The following PLA2G6 variants were observed in gnomAD, a reference collection of about 807,000 sequenced individuals.
PLA2G6 encodes 85/88 kDa calcium-independent phospholipase A2.
A neutral mutation model predicts 83.8 loss-of-function variants in PLA2G6; 62 were observed. The ratio of observed to expected loss-of-function variants is 0.74; its 90% CI spans 0.60 to 0.91. The LOEUF is 0.91. Among genes scored for constraint, PLA2G6 ranks in the 40% least tolerant of loss-of-function variants. The probability of loss-of-function intolerance (pLI) is 0.00; values close to 1 mark genes in which losing one functional copy is unlikely to be tolerated. For missense variants in PLA2G6, 944 were observed against 1,102.0 expected, an observed-to-expected ratio of 0.86 and a Z score of 2.03; for synonymous variants, 417 against 449.8, an observed-to-expected ratio of 0.93 and a Z score of 0.92.
Position 38,111,990 on chromosome 22 carries a change from G to T in PLA2G6, c.*171C>A, listed in dbSNP as rs1185884727. The T allele has an allele frequency of 2.8e-6, 2 of 719,400 alleles. No homozygotes were observed. Among genetic ancestry groups the T allele is most frequent in the African/African-American group, 1.8e-5 (1 of 57,000 alleles). The allele number at this position is 719,400 out of a possible 1,614,324, so 44.6% of individuals were successfully genotyped here. ...GTGCTGGAAGGCGGGGTTAGTGGGA[G>T]ACAGGCCTTCAGGACCAGCCTCGGG... On this transcript the variant is annotated 3_prime_UTR_variant, in exon 17 of 17. Coordinates refer to ENST00000332509, the MANE Select transcript of PLA2G6 (RefSeq NM_003560.4).
chr22:38,158,133 G>A (rs1312042043), intron 2 of PLA2G6, among the ~76,000 whole-genome samples: 2 of 151,404 alleles, frequency 1.3e-5, no homozygotes, highest in African/African-American at 4.9e-5. Flanking sequence ...CGTAGTATTT[G>A]CATCATCATT....
chr22:38,111,980 G>T lies in PLA2G6; in HGVS notation c.*181C>A. 1.5e-6 allele frequency: 1 copy of T among 672,556 alleles called. No homozygotes were observed. Among genetic ancestry groups the T allele is most frequent in the South Asian group, 1.7e-5 (1 of 57,462 alleles). The allele number at this position is 672,556 out of a possible 1,614,324, so 41.7% of individuals were successfully genotyped here. A position where few individuals can be genotyped will look rare whatever the true frequency, so the allele number is the denominator to read the frequency against. On this transcript the variant is annotated 3_prime_UTR_variant, in exon 17 of 17. Transcript: ENST00000332509. ...ATGACAGAAAGTGCTGGAAGGCGGG[G>T]TTAGTGGGAGACAGGCCTTCAGGAC... is the stretch of plus-strand genomic sequence containing the variant.
intron 5 of PLA2G6, chr22:38,137,092 G>A (rs2088600262): frequency 6.6e-6 from 1 of 152,248 alleles, no homozygotes; most frequent in Non-Finnish European, 1.5e-5. Context: ...TAGTGAAATA[G>A]CCCACATGAA....
At chr22:38,129,214 G>A (rs778201921) in intron 8 of PLA2G6, among the ~76,000 whole-genome samples, 7 of 152,240 alleles carry the variant, frequency 4.6e-5, no homozygotes, top group Non-Finnish European at 1.0e-4. Flanking sequence ...GAGGTGGGGG[G>A]CGCTGCACGG....
chr22:38,166,671 G>A (rs958625733), intron 2 of PLA2G6, among the ~76,000 whole-genome samples: 6 of 152,156 alleles, frequency 3.9e-5, no homozygotes, highest in Middle Eastern at 3.2e-3. Context: ...AGAGGTTGCT[G>A]TAAGCCAAGA....
chr22:38,143,300 G>T lies in PLA2G6; in HGVS notation c.426-12C>A. 1 of 1,609,132 alleles carries T rather than the reference G, an allele frequency of 6.2e-7. No individual in the cohort carries two copies. Among genetic ancestry groups the T allele is most frequent in the South Asian group, 1.1e-5 (1 of 91,078 alleles). ...CGCAATTGGCACAGCTGCAGGAGAG[G>T]GCCAGGGTGAGCAGAGGTGAGCAGG... On this transcript the variant is annotated splice_polypyrimidine_tract_variant and intron_variant, in intron 3 of 16. Transcript: ENST00000332509.
intron 3 of PLA2G6, chr22:38,144,632 C>CAAAAAAAA (rs5845371): frequency 3.2e-5 from 1 of 30,946 alleles, no homozygotes; most frequent in African/African-American, 8.4e-5. Flanking sequence ...GACTCCGTCT[C>CAAAAAAAA]AAAAAAAAAA....
intron 2 of PLA2G6, among the ~76,000 whole-genome samples, chr22:38,162,733 T>A (rs966281093): frequency 3.3e-5 from 5 of 151,922 alleles, no homozygotes; most frequent in African/African-American, 1.2e-4. Context: ...GCAAGTGGTA[T>A]TGTAGGGTGA....
At chr22:38,180,260 A>C (rs2145980568) in intron 1 of PLA2G6, 1 of 152,094 alleles carries the variant, frequency 6.6e-6, no homozygotes, top group South Asian at 2.1e-4. Context: ...CCTTTTGGGG[A>C]GTCTCTCATG....
intron 6 of PLA2G6, 38 bp from the exon 7 acceptor site, chr22:38,133,051 C>T (rs751587679): frequency 7.1e-6 from 11 of 1,538,486 alleles, no homozygotes; most frequent in Admixed American, 3.9e-5. Flanking sequence ...CACAGGCACT[C>T]GGGGAGCTGC....
rs11570735 is a variant in PLA2G6, at chr22:38,122,267, G to A, written c.1591+828C>T. ...ATGACCAGGATCCAGATGTGGGGGC[G>A]CTCTGGAGAAAATGGAATCTGACCA... On this transcript the variant is annotated intron_variant, in intron 11 of 16. Transcript: ENST00000332509. Among the ~76,000 whole-genome samples the A allele has an allele frequency of 1.9e-3, 294 of 152,206 alleles. 1 individual carries two copies. Among genetic ancestry groups the A allele is most frequent in the African/African-American group, 6.5e-3 (271 of 41,526 alleles).
chr22:38,148,670 GTCCT>G (rs1288435558), intron 2 of PLA2G6: 4 of 661,618 alleles, frequency 6.0e-6, no homozygotes, highest in Non-Finnish European at 1.1e-5. Flanking sequence ...TTGGGTTAGG[GTCCT>G]AAAGAACTAC....
At chr22:38,113,284 C>T (rs566764818) in intron 15 of PLA2G6, among the ~76,000 whole-genome samples, 3 of 152,300 alleles carry the variant, frequency 2.0e-5, no homozygotes. Flanking sequence ...CGTTTGAAAA[C>T]CCCCCTGCTG....
In PLA2G6 at chr22:38,112,235, A is replaced by G; in HGVS notation, c.2347T>C (p.Trp783Arg). 6.2e-7 allele frequency: 1 copy of G among 1,612,608 alleles called. No homozygotes were observed. The highest frequency in any genetic ancestry group is 1.1e-5 in the South Asian group (1 of 90,852). The change falls in exon 17 of 17, where the codon TGG (tryptophan) becomes CGG (arginine). Residue 783 changes from tryptophan to arginine, a missense_variant. Coordinates refer to ENST00000332509, the MANE Select transcript of PLA2G6 (RefSeq NM_003560.4). ...TCATAGATGTAGACCTCGGTCTCCC[A>G]GAGGGCGTTGACCAGCACTGTGTCA... ...VSDTVLVNAL[W>R]ETEVYIYEHR...
At chr22:38,115,287 T>G (rs2087121631) in intron 14 of PLA2G6, among the ~76,000 whole-genome samples, 1 of 152,118 alleles carries the variant, frequency 6.6e-6, no homozygotes, top group Admixed American at 6.5e-5. Flanking sequence ...CATGCCGCCC[T>G]CCCCACTCAT....
At chr22:38,126,206 G>T in intron 10 of PLA2G6, 165 bp downstream of exon 10, 2 of 698,888 alleles carry the variant, frequency 2.9e-6, no homozygotes, top group East Asian at 2.7e-5. Flanking sequence ...AGCGACACAG[G>T]CTCTCCATGT....
intron 9 of PLA2G6, chr22:38,127,393 G>A (rs1310960253): frequency 7.6e-7 from 1 of 1,316,342 alleles, no homozygotes; most frequent in East Asian, 5.3e-5. Context: ...GCCTCTCCAG[G>A]CCCAGGGCGT....
intron 2 of PLA2G6, among the ~76,000 whole-genome samples, chr22:38,157,375 T>C (rs1458678267): frequency 3.9e-5 from 6 of 152,142 alleles, no homozygotes; most frequent in Admixed American, 3.3e-4. Context: ...GATAAATTCC[T>C]AGGCATACAC....
chr22:38,119,459 C>A (rs910392868), intron 12 of PLA2G6, among the ~76,000 whole-genome samples: 1 of 152,160 alleles, frequency 6.6e-6, no homozygotes, highest in South Asian at 2.1e-4. Flanking sequence ...ATGTAAAAGG[C>A]AGATCTAGAG....
Sources: allele counts gnomAD v4.1 joint callset (sites outside exome capture counted in the v4.1 genomes callset), GRCh38; gene constraint gnomAD v4.1.1; transcripts MANE v1.5; gene names NCBI Gene and HGNC (gene_info 2026-07-23, HGNC 2026-07-21).